SGPP2: variants seen among roughly 807,000 people sequenced by gnomAD.
The protein encoded by SGPP2 is sphingosine 1-phosphate phosphohydrolase 2.
In SGPP2, 30 loss-of-function variants were observed where a neutral mutation model predicts 33.9. That is an observed-to-expected ratio of 0.89 (90% CI 0.66 to 1.20). The LOEUF (loss-of-function observed/expected upper bound fraction) is 1.20. Ranked by LOEUF, SGPP2 falls within the 50% of genes most tolerant of loss-of-function variation. SGPP2 has a pLI of 0.00. For missense variants in SGPP2, 458 were observed against 532.1 expected (o/e 0.86, Z 1.37); for synonymous variants, 233 against 225.0 (o/e 1.04, Z -0.32).
Position 222,424,600 on chromosome 2 carries a change from A to G in SGPP2, c.-3A>G. The G allele has an allele frequency of 7.5e-7, 1 of 1,327,734 alleles. No homozygotes were observed. 82.2% of individuals were successfully genotyped at this position (1,327,734 alleles called of 1,614,324 possible). A position where few individuals can be genotyped will look rare whatever the true frequency, so the allele number is the denominator to read the frequency against. On this transcript the variant is annotated 5_prime_UTR_variant, in exon 1 of 5. Transcript: ENST00000321276. ...GGCGGCGGAGCGCGGCCCCGGGCACACCATGGCCGAGCTGCTGCGGAGCCT... is the reference window on the plus strand; with the variant it reads ...GGCGGCGGAGCGCGGCCCCGGGCACGCCATGGCCGAGCTGCTGCGGAGCCT...
rs983243189 is a variant in SGPP2, at chr2:222,559,294, A to AGAT, written c.*398_*400dup. The AGAT allele has an allele frequency of 5.4e-6, 1 of 184,852 alleles. No individual in the cohort carries two copies. Among genetic ancestry groups the AGAT allele is most frequent in the African/African-American group, 2.3e-5 (1 of 42,772 alleles). 11.5% of individuals were successfully genotyped at this position (184,852 alleles called of 1,614,324 possible). A position where few individuals can be genotyped will look rare whatever the true frequency, so the allele number is the denominator to read the frequency against. Reference sequence around the variant, plus strand: ...CCACTGGGTTCTGGAGAGCCAGTAGAGATGGGGTGATCTGGGAGGCTGGAG... The same window carrying AGAT: ...CCACTGGGTTCTGGAGAGCCAGTAGAGATGATGGGGTGATCTGGGAGGCTGGAG... On this transcript the variant is annotated 3_prime_UTR_variant, in exon 5 of 5. Transcript: ENST00000321276.
intron 1 of SGPP2, among the ~76,000 whole-genome samples, chr2:222,431,513 C>T (rs944057988): frequency 7.2e-5 from 11 of 152,006 alleles, no homozygotes; most frequent in African/African-American, 1.7e-4. Flanking sequence ...CCCCGCCCCC[C>T]GCTCGAAGTC....
intron 1 of SGPP2, among the ~76,000 whole-genome samples, chr2:222,471,665 AAATCCCCCGGGATTCC>A (rs1298081020): frequency 6.6e-6 from 1 of 152,182 alleles, no homozygotes; most frequent in Non-Finnish European, 1.5e-5. Flanking sequence ...TTGTTTTCTG[AAATCCCCCGGGATTCC>A]AGAACCTCAG....
chr2:222,430,671 G>A (rs903876339), intron 1 of SGPP2, among the ~76,000 whole-genome samples: 4 of 152,216 alleles, frequency 2.6e-5, no homozygotes, highest in South Asian at 2.1e-4. Flanking sequence ...CAAAAAGTGC[G>A]ATATAGAAAG....
chr2:222,555,200 T>A (rs923294253), intron 4 of SGPP2, among the ~76,000 whole-genome samples: 1 of 152,242 alleles, frequency 6.6e-6, no homozygotes, highest in Non-Finnish European at 1.5e-5. Flanking sequence ...GTGTTGCTTT[T>A]TACTGCTGAG....
At chr2:222,527,328 G>A (rs1040197297) in intron 4 of SGPP2, among the ~76,000 whole-genome samples, 5 of 152,298 alleles carry the variant, frequency 3.3e-5, no homozygotes, top group Admixed American at 3.3e-4. Flanking sequence ...TTGACTTGAT[G>A]GTGATGGTTT....
At chr2:222,526,984 T>G (rs921679354) in intron 4 of SGPP2, among the ~76,000 whole-genome samples, 3 of 152,014 alleles carry the variant, frequency 2.0e-5, no homozygotes, top group Admixed American at 2.0e-4. Flanking sequence ...GAACTTAAAG[T>G]AAAATTTAAA....
At position 222,460,528 on chromosome 2, in the gene SGPP2, C is replaced by T. The variant is rs2106083861; in HGVS notation, c.220-14040C>T. On this transcript the variant is annotated intron_variant, in intron 1 of 4. Transcript: ENST00000321276. This position sits in a 1 kb window ranked among gnomAD's most constrained non-coding sequence, Gnocchi z 4.3. ...CTTAGAAAAGACAAGAATGTGAATC[C>T]ACTGGTGACCGTTTACAGCAGCACA... Among the ~76,000 whole-genome samples, 1 of 152,268 alleles carries T rather than the reference C, an allele frequency of 6.6e-6. No individual in the cohort carries two copies. The highest frequency in any genetic ancestry group is 2.1e-4 in the South Asian group (1 of 4,824).
chr2:222,527,758 G>T (rs1421325008), intron 4 of SGPP2, among the ~76,000 whole-genome samples: 2 of 152,200 alleles, frequency 1.3e-5, no homozygotes, highest in Non-Finnish European at 2.9e-5. Context: ...TACCAGTCAG[G>T]CTACAGGACC....
chr2:222,546,932 G>A (rs1361056474), intron 4 of SGPP2, among the ~76,000 whole-genome samples: 1 of 151,916 alleles, frequency 6.6e-6, no homozygotes, highest in Non-Finnish European at 1.5e-5. Flanking sequence ...CTCTGACCAG[G>A]AACCTCAGTG....
At chr2:222,481,346 G>A (rs1698026916) in intron 2 of SGPP2, among the ~76,000 whole-genome samples, 1 of 152,156 alleles carries the variant, frequency 6.6e-6, no homozygotes. Flanking sequence ...TTAATCATTT[G>A]TATTAACTTG....
chr2:222,455,076 G>C (rs952513084), intron 1 of SGPP2, among the ~76,000 whole-genome samples: 7 of 151,332 alleles, frequency 4.6e-5, no homozygotes, highest in South Asian at 2.1e-4. Flanking sequence ...AGGTACAAGA[G>C]TAAGAGAATT....
intron 2 of SGPP2, among the ~76,000 whole-genome samples, chr2:222,516,601 TTATCA>T (rs1266309418): frequency 2.0e-5 from 3 of 152,150 alleles, no homozygotes; most frequent in Non-Finnish European, 2.9e-5. Flanking sequence ...GTTAAGAAAC[TTATCA>T]TATAAGTATA....
chr2:222,467,248 C>T (rs906906613), intron 1 of SGPP2, among the ~76,000 whole-genome samples: 1 of 152,002 alleles, frequency 6.6e-6, no homozygotes, highest in Non-Finnish European at 1.5e-5. Context: ...TAACAAGATG[C>T]CCAGGTCATT....
chr2:222,431,013 C>A (rs1226777848), intron 1 of SGPP2, among the ~76,000 whole-genome samples: 2 of 151,796 alleles, frequency 1.3e-5, no homozygotes, highest in Non-Finnish European at 2.9e-5. Flanking sequence ...AATAAGGAAG[C>A]CTGTGTAAAG....
Position 222,474,588 on chromosome 2 carries a change from C to T in SGPP2, c.240C>T (p.Val80=), listed in dbSNP as rs747402825. Residue 80 remains valine (V), a synonymous_variant, in exon 2 of 5, where the codon GTC becomes GTT. Transcript: ENST00000321276. ...TTTAGGCTTATGTACAGAAGTACGT[C>T]GTGAAGAATTATTTCTACTATTACC... ...AAPEAYVQKY[V]VKNYFYYYLF... is the part of the protein sequence containing the mutation. 67 of 1,613,792 alleles carry T rather than the reference C, an allele frequency of 4.2e-5. No individual in the cohort carries two copies. In the South Asian group the frequency reaches 4.9e-4, roughly 12 times the overall value.
intron 1 of SGPP2, among the ~76,000 whole-genome samples, chr2:222,471,685 A>G (rs895808925): frequency 2.6e-5 from 4 of 152,120 alleles, no homozygotes; most frequent in African/African-American, 7.2e-5. Context: ...GGATTCCAGA[A>G]CCTCAGACTT....
chr2:222,511,143 C>T (rs559861950), intron 2 of SGPP2, among the ~76,000 whole-genome samples: 11 of 152,090 alleles, frequency 7.2e-5, no homozygotes, highest in South Asian at 2.1e-4. Flanking sequence ...GAAAAAGTGC[C>T]GTTTTCTCTG....
chr2:222,424,518 G>C, upstream of SGPP2: 1 of 982,220 alleles, frequency 1.0e-6, no homozygotes, highest in Non-Finnish European at 1.3e-6. Context: ...TGCGGGATCG[G>C]CGGGGGCGAG....
Sources: gnomAD v4.1 joint callset for allele counts (sites outside exome capture counted in the v4.1 genomes callset) on GRCh38, gnomAD v4.1.1 for gene constraint, Gnocchi (gnomAD v3.1) non-coding constraint, MANE v1.5 for transcripts, NCBI Gene and HGNC (gene_info 2026-07-23, HGNC 2026-07-21) for gene names.